The following ALDH1A1 variants were observed in gnomAD, a reference collection of about 807,000 sequenced individuals.
The protein encoded by ALDH1A1 is aldehyde dehydrogenase 1 family member A1.
ALDH1A1 carries 19 observed loss-of-function variants against 62.1 expected under a neutral mutation model. The ratio of observed to expected loss-of-function variants is 0.31; its 90% CI spans 0.21 to 0.45. The LOEUF (loss-of-function observed/expected upper bound fraction) is 0.45. Among genes scored for constraint, ALDH1A1 ranks in the 20% least tolerant of loss-of-function variants. ALDH1A1 has a pLI of 1.00. For synonymous variants in ALDH1A1, 231 were observed against 215.9 expected, an observed-to-expected ratio of 1.07 and a Z score of -0.61; for missense variants, 521 against 607.1, an observed-to-expected ratio of 0.86 and a Z score of 1.49.
intron 12 of ALDH1A1, among the ~76,000 whole-genome samples, chr9:72,904,050 T>C (rs1247772759): frequency 6.6e-6 from 1 of 152,090 alleles, no homozygotes; most frequent in East Asian, 1.9e-4. Flanking sequence ...TAATATTCAG[T>C]ATGTCATTTA....
chr9:72,943,164 C>A (rs1830436770), intron 1 of ALDH1A1, among the ~76,000 whole-genome samples: 1 of 152,144 alleles, frequency 6.6e-6, no homozygotes, highest in African/African-American at 2.4e-5. Flanking sequence ...CAGAATTTCA[C>A]CCTTCTACAA....
intron 12 of ALDH1A1, among the ~76,000 whole-genome samples, chr9:72,903,784 C>G (rs1233872111): frequency 6.6e-6 from 1 of 152,000 alleles, no homozygotes; most frequent in Non-Finnish European, 1.5e-5. Flanking sequence ...ACGAAATTGA[C>G]ATGTTTGGTC....
intron 3 of ALDH1A1, among the ~76,000 whole-genome samples, chr9:72,929,403 A>C (rs1372207295): frequency 1.3e-5 from 2 of 152,224 alleles, no homozygotes; most frequent in African/African-American, 2.4e-5. Context: ...TGTGGGTGAC[A>C]ACTTAGTGTC....
In ALDH1A1 at chr9:72,918,703, A is replaced by G. The variant is rs571181722; in HGVS notation, c.850+17T>C. ...AACGATGAAGGACGAAAAGTTAACA[A>G]AGTGGTTTCTACTCACAGTCGGCAT... On this transcript the variant is annotated intron_variant, in intron 8 of 12. Transcript: ENST00000297785. The G allele has an allele frequency of 2.2e-5, 34 of 1,527,174 alleles. No homozygotes were observed. In the South Asian group the frequency reaches 3.9e-4, roughly 18 times the overall value. 94.6% of individuals were successfully genotyped at this position (1,527,174 alleles called of 1,614,324 possible). A position where few individuals can be genotyped will look rare whatever the true frequency, so the allele number is the denominator to read the frequency against.
intron 7 of ALDH1A1, among the ~76,000 whole-genome samples, chr9:72,919,838 T>C (rs1588135627): frequency 6.6e-6 from 1 of 152,224 alleles, no homozygotes; most frequent in East Asian, 1.9e-4. Context: ...TCTTTAATGC[T>C]AGTTTTCCCT....
At chr9:72,909,846 A>G in intron 10 of ALDH1A1, 87 bp from the exon 11 acceptor site, 2 of 1,136,094 alleles carry the variant, frequency 1.8e-6, no homozygotes, top group South Asian at 1.7e-5. Context: ...CCTACACGCT[A>G]TCCTAAATTG....
chr9:72,919,743 AC>A (rs1830113987), intron 7 of ALDH1A1, among the ~76,000 whole-genome samples: 1 of 152,124 alleles, frequency 6.6e-6, no homozygotes, highest in Non-Finnish European at 1.5e-5. Flanking sequence ...CCCAACACAC[AC>A]ACCTTTGAAC....
chr9:72,950,645 A>AT (rs74954000), intron 1 of ALDH1A1, among the ~76,000 whole-genome samples: 34 of 147,398 alleles, frequency 2.3e-4, no homozygotes, highest in African/African-American at 4.0e-4. Flanking sequence ...TAGTTGTAAT[A>AT]TTTTTTTTTT....
Position 72,916,912 on chromosome 9 carries a change from A to G in ALDH1A1, c.1035+8T>C, listed in dbSNP as rs890847011. 6.3e-7 allele frequency: 1 copy of G among 1,599,924 alleles called. No individual in the cohort carries two copies. The highest frequency in any genetic ancestry group is 8.5e-7 in the Non-Finnish European group (1 of 1,172,888). On this transcript the variant is annotated splice_region_variant and intron_variant, in intron 9 of 12. Coordinates refer to ENST00000297785, the MANE Select transcript of ALDH1A1 (RefSeq NM_000689.5). ...CTGAAAATGCTATCCTTTCTATTTT[A>G]TACTTACCTGAGGGCCTTGAGTGAC...
chr9:72,908,625 A>AAGAG (rs142357268), intron 11 of ALDH1A1, among the ~76,000 whole-genome samples: 1 of 130,706 alleles, frequency 7.7e-6, no homozygotes, highest in Non-Finnish European at 1.6e-5. Context: ...GAAAGAAAGA[A>AAGAG]AGAGAATATT....
At chr9:72,941,045 A>G (rs557753705) in intron 1 of ALDH1A1, among the ~76,000 whole-genome samples, 1 of 152,276 alleles carries the variant, frequency 6.6e-6, no homozygotes, top group South Asian at 2.1e-4. Context: ...CACATTTCTA[A>G]TTATTTGAAA....
At chr9:72,940,010 TA>T (rs1197876424) in intron 2 of ALDH1A1, 137 bp downstream of exon 2, 2 of 575,992 alleles carry the variant, frequency 3.5e-6, no homozygotes, top group East Asian at 5.8e-5. Context: ...AAGGACAACT[TA>T]GACAATTTTC....
chr9:72,951,323 T>C (rs2118589285), intron 1 of ALDH1A1, among the ~76,000 whole-genome samples: 1 of 151,982 alleles, frequency 6.6e-6, no homozygotes, highest in East Asian at 1.9e-4. Flanking sequence ...CTCATTTGTC[T>C]AGTACCGCTT....
chr9:72,908,559 GAAA>G, intron 11 of ALDH1A1, among the ~76,000 whole-genome samples: 1 of 8,664 alleles, frequency 1.2e-4, no homozygotes, highest in East Asian at 3.9e-3. Context: ...AAAGAAGAAA[GAAA>G]GAAAGAAAGA....
chr9:72,928,750 CTG>C (rs1356762604), intron 4 of ALDH1A1, 140 bp downstream of exon 4: 1 of 913,288 alleles, frequency 1.1e-6, no homozygotes, highest in Non-Finnish European at 1.5e-6. Context: ...AAGTTGAAAA[CTG>C]TGTTGTCTCA....
intron 7 of ALDH1A1, among the ~76,000 whole-genome samples, chr9:72,920,508 G>A (rs891689525): frequency 3.3e-5 from 5 of 151,960 alleles, no homozygotes; most frequent in South Asian, 2.1e-4. Context: ...TTAGGTTTAC[G>A]GAAGTAACTC....
intron 2 of ALDH1A1, among the ~76,000 whole-genome samples, chr9:72,938,539 C>T (rs1053166234): frequency 1.3e-5 from 2 of 152,208 alleles, no homozygotes; most frequent in Non-Finnish European, 2.9e-5. Flanking sequence ...CTCTGCCTCC[C>T]GGGTTCAAGT....
chr9:72,939,481 T>C (rs1466817328), intron 2 of ALDH1A1, among the ~76,000 whole-genome samples: 1 of 152,152 alleles, frequency 6.6e-6, no homozygotes, highest in Non-Finnish European at 1.5e-5. Flanking sequence ...ATAATAACTT[T>C]TAGTTTTATC....
At chr9:72,920,708 A>G (rs1416527725) in intron 7 of ALDH1A1, among the ~76,000 whole-genome samples, 1 of 152,264 alleles carries the variant, frequency 6.6e-6, no homozygotes, top group Non-Finnish European at 1.5e-5. Context: ...AAGTCTAGCT[A>G]AAGTCAAAAC....
Sources: gnomAD v4.1 joint callset for allele counts (sites outside exome capture counted in the v4.1 genomes callset) on GRCh38, gnomAD v4.1.1 for gene constraint, MANE v1.5 for transcripts, NCBI Gene and HGNC (gene_info 2026-07-23, HGNC 2026-07-21) for gene names.